Variants in STRN3 observed in about 807,000 individuals in gnomAD.
The protein encoded by STRN3 is striatin 3, also known as striatin-3.
A neutral mutation model predicts 95.6 loss-of-function variants in STRN3; 29 were observed. The observed-to-expected ratio is 0.30, with a 90% CI of 0.23 to 0.41. The LOEUF is 0.41. STRN3 is among the 10% of genes least tolerant of loss of function. The pLI is 1.00. For missense variants in STRN3, 890 were observed against 972.1 expected (o/e 0.92, Z 1.12); for synonymous variants, 331 against 357.6 (o/e 0.93, Z 0.84).
chr14:30,946,807 G>GT (rs1311836492), intron 5 of STRN3, among the ~76,000 whole-genome samples: 2 of 151,906 alleles, frequency 1.3e-5, no homozygotes, highest in Admixed American at 6.6e-5. Context: ...GTGAAACCCC[G>GT]TGTCTACTAA....
chr14:31,015,139 A>G (rs749349008), intron 1 of STRN3, among the ~76,000 whole-genome samples: 32 of 151,796 alleles, frequency 2.1e-4, no homozygotes, highest in Non-Finnish European at 4.0e-4. Flanking sequence ...CCTCACACCC[A>G]CTTTTATTTA....
At chr14:30,918,915 G>A in intron 9 of STRN3, 51 bp downstream of exon 9, 1 of 1,449,824 alleles carries the variant, frequency 6.9e-7, no homozygotes, top group Non-Finnish European at 9.2e-7. Flanking sequence ...GATGTGATTT[G>A]GATTTAAGGT....
intron 1 of STRN3, among the ~76,000 whole-genome samples, chr14:30,965,676 T>C (rs1030316579): frequency 1.4e-5 from 2 of 147,930 alleles, no homozygotes; most frequent in African/African-American, 5.0e-5. Context: ...TAGCCAGGCA[T>C]AGTGGCAGGT....
At chr14:31,014,924 T>A (rs1041844856) in intron 1 of STRN3, among the ~76,000 whole-genome samples, 1 of 151,654 alleles carries the variant, frequency 6.6e-6, no homozygotes, top group African/African-American at 2.4e-5. Context: ...ACCTCCCAGG[T>A]TCAAGCGATT....
intron 1 of STRN3, among the ~76,000 whole-genome samples, chr14:30,965,638 C>G (rs145770454): frequency 2.0e-5 from 3 of 150,380 alleles, no homozygotes; most frequent in Admixed American, 1.3e-4. Flanking sequence ...TGGCCAACAT[C>G]ATGAAACCCC....
chr14:30,955,786 G>A (rs1434952121), intron 2 of STRN3, 93 bp from the exon 3 acceptor site: 2 of 1,013,272 alleles, frequency 2.0e-6, no homozygotes, highest in Admixed American at 3.2e-5. Context: ...TAATATGAAT[G>A]TCTGCTTCTT....
chr14:30,938,084 T>C lies in STRN3; in HGVS notation c.717-1460A>G, dbSNP rs1878912439. Among the ~76,000 whole-genome samples, 3 of 150,286 alleles carry C rather than the reference T, an allele frequency of 2.0e-5. No individual in the cohort carries two copies. In the South Asian group the frequency reaches 6.7e-4, roughly 34 times the overall value. ...CTGTATTTTTAAATTTGTATTATTT[T>C]ATTTTTTAATTGTCGTTTTTTTTTT... On this transcript the variant is annotated intron_variant, in intron 5 of 17. Transcript: ENST00000357479.
chr14:30,979,622 T>TA (rs547226105), intron 1 of STRN3, among the ~76,000 whole-genome samples: 42 of 152,224 alleles, frequency 2.8e-4, no homozygotes, highest in Admixed American at 6.5e-4. Context: ...ATTTTTGAGA[T>TA]AGAGTCTCGC....
chr14:30,983,532 G>A (rs1010052856), intron 1 of STRN3, among the ~76,000 whole-genome samples: 3 of 152,194 alleles, frequency 2.0e-5, no homozygotes, highest in Non-Finnish European at 4.4e-5. Context: ...GCGACAGAGC[G>A]AGACTCCGTC....
chr14:30,951,287 G>A (rs1039932889), intron 3 of STRN3, among the ~76,000 whole-genome samples: 6 of 152,028 alleles, frequency 3.9e-5, no homozygotes, highest in African/African-American at 1.4e-4. Flanking sequence ...CCAGCCTGGA[G>A]TACAGTGGCA....
At chr14:30,951,091 TG>T (rs1879618138) in intron 3 of STRN3, 147 bp from the exon 4 acceptor site, 1 of 656,776 alleles carries the variant, frequency 1.5e-6, no homozygotes, top group African/African-American at 1.8e-5. Context: ...GTATTAACTG[TG>T]GGTCACTCAT....
chr14:30,950,502 T>G (rs1879585443), intron 4 of STRN3, among the ~76,000 whole-genome samples: 1 of 152,222 alleles, frequency 6.6e-6, no homozygotes. Context: ...CTGAAAAGTT[T>G]CAGATGAATT....
rs761649891 is a variant in STRN3 at position 30,964,265 on chromosome 14, G to A, written c.283-8023C>T. 4 of 152,314 alleles carry A rather than the reference G, an allele frequency of 2.6e-5. 1 individual carries two copies. The highest frequency in any genetic ancestry group is 2.6e-4 in the Admixed American group (4 of 15,274). The allele number at this position is 152,314 out of a possible 1,614,324, so 9.4% of individuals were successfully genotyped here. ...AAACAAAAAACTACACACAAGAGAA[G>A]ATAGGGCATGGGAGCTGGGATTTGA... On this transcript the variant is annotated intron_variant, in intron 1 of 17. Coordinates refer to ENST00000357479, the MANE Select transcript of STRN3 (RefSeq NM_001083893.2).
In STRN3 at chr14:30,906,862, G is replaced by A. The variant is rs780893959; in HGVS notation, c.1888+15C>T. The A allele has an allele frequency of 1.3e-6, 2 of 1,592,874 alleles. No individual in the cohort carries two copies. The highest frequency in any genetic ancestry group is 1.7e-6 in the Non-Finnish European group (2 of 1,171,264). ...AAAAAAACTAACTTTTCTCACAGAT[G>A]CAAAATTTACTTACTTTTATCTCCA... On this transcript the variant is annotated intron_variant, in intron 14 of 17. Transcript: ENST00000357479.
chr14:30,895,378 GC>G lies in STRN3; in HGVS notation c.*32del, dbSNP rs779508565. 1.9e-6 allele frequency: 3 copies of G among 1,569,750 alleles called. No individual in the cohort carries two copies. The highest frequency in any genetic ancestry group is 2.6e-6 in the Non-Finnish European group (3 of 1,157,456). On this transcript the variant is annotated 3_prime_UTR_variant, in exon 18 of 18. Transcript: ENST00000357479. ...TGATGCAGACCCTCTTTCTGTCCAA[GC>G]AAATCTTGTTACGATGCAAGTTTTT...
rs897069618 is a variant in STRN3, at chr14:30,893,946, T to C, written c.*1465A>G. On this transcript the variant is annotated 3_prime_UTR_variant, in exon 18 of 18. Transcript: ENST00000357479. ...TATACATTATTTTTCAACAGCTGTA[T>C]GTTTGCTATGTGGTACAATCTTAAA... 6.6e-6 allele frequency: 1 copy of C among 152,650 alleles called. No individual in the cohort carries two copies. The highest frequency in any genetic ancestry group is 1.5e-5 in the Non-Finnish European group (1 of 68,036). 9.5% of individuals were successfully genotyped at this position (152,650 alleles called of 1,614,324 possible).
intron 5 of STRN3, among the ~76,000 whole-genome samples, chr14:30,940,027 G>GT (rs1555318501): frequency 1.3e-5 from 2 of 150,812 alleles, no homozygotes; most frequent in African/African-American, 2.4e-5. Context: ...ACTGCCTAGT[G>GT]TGTTTTTTTT....
intron 12 of STRN3, 137 bp from the exon 13 acceptor site, chr14:30,911,299 T>A: frequency 2.9e-6 from 2 of 684,680 alleles, no homozygotes; most frequent in Non-Finnish European, 4.2e-6. Flanking sequence ...CTGGTACTTT[T>A]TTTTTTTTTT....
intron 7 of STRN3, among the ~76,000 whole-genome samples, chr14:30,931,604 T>C (rs937801829): frequency 1.3e-5 from 2 of 152,220 alleles, no homozygotes; most frequent in African/African-American, 4.8e-5. Context: ...TTGTATTTTG[T>C]AGTTCTATAA....
Sources: allele counts gnomAD v4.1 joint callset (sites outside exome capture counted in the v4.1 genomes callset), GRCh38; gene constraint gnomAD v4.1.1; transcripts MANE v1.5; gene names NCBI Gene and HGNC (gene_info 2026-07-23, HGNC 2026-07-21).